Variants in KCNMA1 observed in about 807,000 individuals in gnomAD.
KCNMA1 encodes potassium calcium-activated channel subfamily M alpha 1, also known as Calcium-activated potassium channel subunit alpha-1.
KCNMA1 carries 29 observed loss-of-function variants against 140.0 expected under a neutral mutation model. That is an observed-to-expected ratio of 0.21 (90% confidence interval 0.15 to 0.28). The LOEUF is 0.28. KCNMA1 is among the 10% of genes least tolerant of loss of function. KCNMA1 has a pLI of 1.00. For synonymous variants in KCNMA1, 612 were observed against 611.9 expected, an observed-to-expected ratio of 1.00 and a Z score of 0.00; for missense variants, 880 against 1,602.2, an observed-to-expected ratio of 0.55 and a Z score of 7.70.
chr10:76,960,954 TG>T (rs1307848031), intron 20 of KCNMA1, among the ~76,000 whole-genome samples: 1 of 151,968 alleles, frequency 6.6e-6, no homozygotes, highest in Non-Finnish European at 1.5e-5. Flanking sequence ...AGAGCTCTGA[TG>T]GAGATGTATA....
At chr10:77,500,413 C>T (rs191879823) in intron 1 of KCNMA1, among the ~76,000 whole-genome samples, 17 of 152,142 alleles carry the variant, frequency 1.1e-4, no homozygotes, top group South Asian at 6.2e-4. Flanking sequence ...TTTGGGAGGC[C>T]GAGGTGGCAG....
At chr10:77,141,214 C>A (rs896622276) in intron 5 of KCNMA1, among the ~76,000 whole-genome samples, 23 of 152,270 alleles carry the variant, frequency 1.5e-4, no homozygotes, top group African/African-American at 5.5e-4. Context: ...CTCCTTGGCC[C>A]ACCCCCTGCT....
intron 1 of KCNMA1, among the ~76,000 whole-genome samples, chr10:77,414,157 TC>T (rs879568881): frequency 5.9e-5 from 9 of 152,256 alleles, no homozygotes; most frequent in Admixed American, 5.2e-4. Flanking sequence ...ATGTAAACAC[TC>T]CCCAAGGTCT....
rs2059586291 is a variant in KCNMA1 at position 77,251,140 on chromosome 10, A to G, written c.602+55T>C. ...TCAAGGTAAATAAATGGATCAATGTAAAGGCTCATGATTGTTTATGAAACG... is the reference window on the plus strand; with the variant it reads ...TCAAGGTAAATAAATGGATCAATGTGAAGGCTCATGATTGTTTATGAAACG... On this transcript the variant is annotated intron_variant, in intron 3 of 27. Transcript: ENST00000286628. 5.1e-6 allele frequency: 7 copies of G among 1,363,008 alleles called. No homozygotes were observed. The South Asian group carries it at 8.1e-5, about 16-fold the overall frequency. 84.4% of individuals were successfully genotyped at this position (1,363,008 alleles called of 1,614,324 possible). A position where few individuals can be genotyped will look rare whatever the true frequency, so the allele number is the denominator to read the frequency against.
chr10:77,481,646 GC>G (rs1270039897), intron 1 of KCNMA1, among the ~76,000 whole-genome samples: 2 of 151,798 alleles, frequency 1.3e-5, no homozygotes, highest in African/African-American at 4.8e-5. Context: ...ATGGTGGCAG[GC>G]CCCTGTAGTC....
At chr10:77,607,407 G>A (rs1515418) in intron 1 of KCNMA1, among the ~76,000 whole-genome samples, 1,871 of 152,174 alleles carry the variant, frequency 0.012, 15 homozygotes, top group East Asian at 0.032. Context: ...AGATGTCCAC[G>A]TCCTCATCCC....
At chr10:77,154,998 A>AG (rs1418958414) in intron 5 of KCNMA1, among the ~76,000 whole-genome samples, 1 of 152,172 alleles carries the variant, frequency 6.6e-6, no homozygotes, top group African/African-American at 2.4e-5. Flanking sequence ...CAGGGGACGC[A>AG]GGGGCAAGTG....
At chr10:77,383,459 A>G (rs1428629744) in intron 2 of KCNMA1, among the ~76,000 whole-genome samples, 2 of 151,900 alleles carry the variant, frequency 1.3e-5, no homozygotes, top group Non-Finnish European at 2.9e-5. Context: ...AATATACATA[A>G]GATAAAATTT....
chr10:77,587,855 C>G, intron 1 of KCNMA1: 1 of 985,400 alleles, frequency 1.0e-6, no homozygotes. Flanking sequence ...CCCCAGTCTT[C>G]AGATATATGT....
intron 29 of KCNMA1, among the ~76,000 whole-genome samples, chr10:76,878,614 A>G (rs961324967): frequency 7.9e-5 from 12 of 152,200 alleles, no homozygotes; most frequent in African/African-American, 2.7e-4. Flanking sequence ...AAGTGGCAAT[A>G]TCTTAACTGA....
chr10:76,959,078 T>C (rs1907741), intron 20 of KCNMA1, among the ~76,000 whole-genome samples: 121,030 of 152,078 alleles, frequency 0.8, 48,423 homozygotes, highest in East Asian at 0.98. Flanking sequence ...GCCAATATCC[T>C]TCCCCTCTCC....
At chr10:76,961,028 G>T (rs1273559441) in intron 20 of KCNMA1, among the ~76,000 whole-genome samples, 16 of 151,776 alleles carry the variant, frequency 1.1e-4, no homozygotes, top group Non-Finnish European at 2.4e-4. Context: ...GGATCAAGGG[G>T]TAATTTTGAC....
At chr10:76,873,083 G>A (rs1398253048), downstream of KCNMA1, 2 of 152,048 alleles carry the variant, frequency 1.3e-5, no homozygotes, top group Admixed American at 6.6e-5. Context: ...ACTGTTGTAG[G>A]GCTAAAGGTG....
chr10:77,466,577 T>A (rs2098020664), intron 1 of KCNMA1, among the ~76,000 whole-genome samples: 1 of 152,222 alleles, frequency 6.6e-6, no homozygotes, highest in African/African-American at 2.4e-5. Flanking sequence ...ATTACATATA[T>A]GTTAAATTGT....
intron 2 of KCNMA1, among the ~76,000 whole-genome samples, chr10:77,398,006 AT>A (rs757429916): frequency 6.0e-5 from 9 of 150,946 alleles, no homozygotes; most frequent in Non-Finnish European, 1.0e-4. Flanking sequence ...TATAAATGTA[AT>A]ATATATACAT....
chr10:77,089,103 C>T (rs2096758766), intron 10 of KCNMA1, among the ~76,000 whole-genome samples: 1 of 152,182 alleles, frequency 6.6e-6, no homozygotes, highest in East Asian at 1.9e-4. Flanking sequence ...CCTGTGGGTA[C>T]CTGCTCCTGT....
intron 1 of KCNMA1, among the ~76,000 whole-genome samples, chr10:77,492,474 G>C (rs2040305510): frequency 6.6e-6 from 1 of 152,192 alleles, no homozygotes; most frequent in African/African-American, 2.4e-5. Context: ...GATGCACCAG[G>C]CATCATTCTA....
intron 19 of KCNMA1, among the ~76,000 whole-genome samples, chr10:76,985,786 C>CA (rs1305060963): frequency 2.0e-5 from 3 of 152,154 alleles, no homozygotes; most frequent in Non-Finnish European, 4.4e-5. Context: ...ATTGTGGCTT[C>CA]ACTGGAAGTG....
intron 1 of KCNMA1, among the ~76,000 whole-genome samples, chr10:77,593,542 T>C (rs898792279): frequency 2.6e-5 from 4 of 152,236 alleles, no homozygotes; most frequent in African/African-American, 9.6e-5. Flanking sequence ...ACTATTAATA[T>C]AATAATGTCT....
Sources: gnomAD v4.1 joint callset for allele counts (sites outside exome capture counted in the v4.1 genomes callset) on GRCh38, gnomAD v4.1.1 for gene constraint, MANE v1.5 for transcripts, NCBI Gene and HGNC (gene_info 2026-07-23, HGNC 2026-07-21) for gene names.